Variants in BEND3 observed in about 807,000 individuals in gnomAD.
BEND3 encodes BEN domain containing 3.
BEND3 carries 13 observed loss-of-function variants against 60.1 expected under a neutral mutation model. That is an observed-to-expected ratio of 0.22 (90% CI 0.14 to 0.34). The LOEUF (loss-of-function observed/expected upper bound fraction) is 0.34, where lower values mean the gene tolerates loss of function less well. BEND3 is among the 10% of genes least tolerant of loss of function. BEND3 has a pLI of 1.00. For synonymous variants in BEND3, 497 were observed against 491.5 expected, an observed-to-expected ratio of 1.01 and a Z score of -0.15; for missense variants, 896 against 1,138.1, an observed-to-expected ratio of 0.79 and a Z score of 3.06.
At chr6:107,111,958 G>A (rs144193868) in intron 1 of BEND3, among the ~76,000 whole-genome samples, 2,214 of 148,916 alleles carry the variant, frequency 0.015, 61 homozygotes, top group African/African-American at 0.052. Flanking sequence ...CTCCAGCCTG[G>A]GCACCAGAGT....
In BEND3 at chr6:107,068,982, C is replaced by T; in HGVS notation, c.2209G>A (p.Gly737Ser). ...ACGAGGAGCCGGGCGGCAAAGTTGCCCACGGAGAGGCTCTGCTGCACGATC... is the reference window on the plus strand; with the variant it reads ...ACGAGGAGCCGGGCGGCAAAGTTGCTCACGGAGAGGCTCTGCTGCACGATC... The part of the protein sequence containing the change: ...REIVQQSLSV[G>S]NFAARLLVRL... Residue 737 changes from glycine (G) to serine (S), a missense_variant, in exon 4 of 4, where the codon GGC becomes AGC. Gly to Ser is a moderately conservative substitution (Grantham distance 56, BLOSUM62 0). Coordinates refer to ENST00000369042, the MANE Select transcript of BEND3 (RefSeq NM_001367314.1). The surrounding 1 kb of genome is among the most constrained non-coding windows in gnomAD (Gnocchi z 5.8). 1.2e-6 allele frequency: 2 copies of T among 1,613,810 alleles called. No individual in the cohort carries two copies. The highest frequency in any genetic ancestry group is 1.7e-6 in the Non-Finnish European group (2 of 1,180,036).
chr6:107,098,938 T>C (rs1554236411), intron 2 of BEND3, among the ~76,000 whole-genome samples, 185 bp from the exon 3 acceptor site: 1 of 152,210 alleles, frequency 6.6e-6, no homozygotes, highest in East Asian at 1.9e-4. Flanking sequence ...ACTAGTGCTG[T>C]ACAATAAAGC....
chr6:107,108,959 C>T (rs914515685), intron 1 of BEND3, among the ~76,000 whole-genome samples: 3 of 152,088 alleles, frequency 2.0e-5, no homozygotes, highest in Non-Finnish European at 2.9e-5. Context: ...CATGTGCCAC[C>T]ACACCTGGCT....
In BEND3 at chr6:107,099,303, A is replaced by G. The variant is rs576951320; in HGVS notation, c.-11-7T>C. ...GAGTTCATCTTCTATTCCGCTAAAT[A>G]AAAAGACAAAGACAATGTGTTGACT... On this transcript the variant is annotated splice_region_variant and splice_polypyrimidine_tract_variant and intron_variant, in intron 1 of 3. Coordinates refer to ENST00000369042, the MANE Select transcript of BEND3 (RefSeq NM_001367314.1). 7 of 1,604,036 alleles carry G rather than the reference A, an allele frequency of 4.4e-6. No individual in the cohort carries two copies. Among genetic ancestry groups the G allele is most frequent in the African/African-American group, 4.0e-5 (3 of 74,764 alleles).
intron 3 of BEND3, among the ~76,000 whole-genome samples, chr6:107,084,383 A>G (rs1324378872): frequency 3.9e-5 from 6 of 152,214 alleles, no homozygotes; most frequent in Non-Finnish European, 8.8e-5. Context: ...GGATTTGGAG[A>G]ACTTTTCTGT....
In BEND3 at chr6:107,096,321, C is replaced by T. The variant is rs540740415; in HGVS notation, c.240+2230G>A. 1.5e-4 allele frequency among the ~76,000 whole-genome samples: 23 copies of T among 152,238 alleles called. No homozygotes were observed. In the South Asian group the frequency reaches 4.6e-3, roughly 30 times the overall value. On this transcript the variant is annotated intron_variant, in intron 3 of 3. Coordinates refer to ENST00000369042, the MANE Select transcript of BEND3 (RefSeq NM_001367314.1). Reference sequence around the variant, plus strand: ...ACATATGATTACATTACATGAAATGCCTAGAATTGGCCGGGCATAGTGACT... The same window carrying T: ...ACATATGATTACATTACATGAAATGTCTAGAATTGGCCGGGCATAGTGACT...
intron 1 of BEND3, among the ~76,000 whole-genome samples, chr6:107,100,139 G>T (rs1028666778): frequency 6.6e-6 from 1 of 152,074 alleles, no homozygotes; most frequent in Non-Finnish European, 1.5e-5. Flanking sequence ...AAAGTGCTGG[G>T]ATTACACATC....
chr6:107,113,458 A>AAAAC (rs1770169022), intron 1 of BEND3, among the ~76,000 whole-genome samples: 1 of 147,638 alleles, frequency 6.8e-6, no homozygotes, highest in African/African-American at 2.6e-5. Flanking sequence ...AAAAAACAAA[A>AAAAC]AAAAAACTCA....
At chr6:107,075,803 A>G (rs1554232710) in intron 3 of BEND3, among the ~76,000 whole-genome samples, 1 of 152,208 alleles carries the variant, frequency 6.6e-6, no homozygotes, top group Non-Finnish European at 1.5e-5. Flanking sequence ...AGTACAGGGA[A>G]AAGTTTCTGG....
At chr6:107,098,484 G>C in intron 3 of BEND3, 67 bp downstream of exon 3, 1 of 1,532,632 alleles carries the variant, frequency 6.5e-7, no homozygotes, top group Non-Finnish European at 8.9e-7. Context: ...AAAACAAGAG[G>C]GAGATTCAGC....
intron 3 of BEND3, among the ~76,000 whole-genome samples, chr6:107,087,791 AC>A (rs1163572645): frequency 8.5e-6 from 1 of 117,696 alleles, no homozygotes; most frequent in Non-Finnish European, 1.7e-5. Flanking sequence ...AAATGAAAAT[AC>A]TTTTTTTTTT....
chr6:107,098,175 A>C (rs1554236262), intron 3 of BEND3, among the ~76,000 whole-genome samples: 1 of 152,232 alleles, frequency 6.6e-6, no homozygotes, highest in African/African-American at 2.4e-5. Flanking sequence ...GATTTAATTT[A>C]GGAAAAGACC....
intron 3 of BEND3, among the ~76,000 whole-genome samples, chr6:107,081,821 T>C (rs1323564689): frequency 2.6e-5 from 4 of 152,060 alleles, no homozygotes; most frequent in African/African-American, 9.7e-5. Context: ...CCCTTTCCTT[T>C]GTGTCCCCAA....
rs895785294 is a variant in BEND3 at position 107,070,322 on chromosome 6, G to C, written c.869C>G (p.Ala290Gly). 6.2e-7 allele frequency: 1 copy of C among 1,612,920 alleles called. No individual in the cohort carries two copies. The highest frequency in any genetic ancestry group is 1.1e-5 in the South Asian group (1 of 91,054). ...CTTGCGCTTGGCCGCAAAGCCACAGGCACTGCAGCCCCGGGAGAAGTCCAC... is the reference window on the plus strand; with the variant it reads ...CTTGCGCTTGGCCGCAAAGCCACAGCCACTGCAGCCCCGGGAGAAGTCCAC... Reference protein sequence around the residue: ...SDVDFSRGCSACGFAAKRKLE... With the variant: ...SDVDFSRGCSGCGFAAKRKLE... Residue 290 changes from alanine (A) to glycine (G), a missense_variant, in exon 4 of 4, where the codon GCC (alanine) becomes GGC (glycine). Ala to Gly is a moderately conservative substitution (Grantham distance 60). This residue lies in a region of BEND3 where 846 missense variants were observed against 1,036.7 expected (regional missense o/e 0.82). Coordinates refer to ENST00000369042, the MANE Select transcript of BEND3 (RefSeq NM_001367314.1). The surrounding 1 kb of genome is among the most constrained non-coding windows in gnomAD (Gnocchi z 6.9).
intron 3 of BEND3, among the ~76,000 whole-genome samples, chr6:107,082,225 C>G (rs1554233640): frequency 6.6e-6 from 1 of 152,122 alleles, no homozygotes; most frequent in Non-Finnish European, 1.5e-5. Context: ...AATTCCTGCA[C>G]TGTCATGTGA....
At chr6:107,082,747 A>T (rs1775260326) in intron 3 of BEND3, among the ~76,000 whole-genome samples, 1 of 151,864 alleles carries the variant, frequency 6.6e-6, no homozygotes, top group Non-Finnish European at 1.5e-5. Context: ...GCTTTAAACT[A>T]CTAGGTTCTG....
intron 3 of BEND3, among the ~76,000 whole-genome samples, chr6:107,082,973 C>T (rs149221889): frequency 4.1e-4 from 62 of 152,296 alleles, no homozygotes; most frequent in Non-Finnish European, 6.5e-4. Context: ...TCACTTCCAG[C>T]ATAACCCTCT....
chr6:107,113,221 C>T (rs1432353289), intron 1 of BEND3, among the ~76,000 whole-genome samples: 1 of 151,082 alleles, frequency 6.6e-6, no homozygotes, highest in East Asian at 2.0e-4. Context: ...GCAGGCAGAT[C>T]ACCTGAGGTC....
At position 107,067,355 on chromosome 6, in the gene BEND3, A is replaced by G. The variant is rs1160186092; in HGVS notation, c.*1349T>C. The G allele has an allele frequency of 6.6e-6, 1 of 152,216 alleles. No homozygotes were observed. Among genetic ancestry groups the G allele is most frequent in the Admixed American group, 6.5e-5 (1 of 15,280 alleles). The allele number at this position is 152,216 out of a possible 1,614,324, so 9.4% of individuals were successfully genotyped here. A position where few individuals can be genotyped will look rare whatever the true frequency, so the allele number is the denominator to read the frequency against. On this transcript the variant is annotated 3_prime_UTR_variant, in exon 4 of 4. Coordinates refer to ENST00000369042, the MANE Select transcript of BEND3 (RefSeq NM_001367314.1). ...TCTTAAGCATTTGGCCCCCAGAGTT[A>G]GGTAGGTAAAAGTATCATTTTAAAG...
Sources: gnomAD v4.1 joint callset for allele counts (sites outside exome capture counted in the v4.1 genomes callset) on GRCh38, gnomAD v4.1.1 for gene constraint, gnomAD v4.1.1 regional missense constraint, Gnocchi (gnomAD v3.1) non-coding constraint, MANE v1.5 for transcripts, NCBI Gene and HGNC (gene_info 2026-07-23, HGNC 2026-07-21) for gene names.